MBNL2: variants seen among roughly 807,000 people sequenced by gnomAD.
The protein encoded by MBNL2 is muscleblind like splicing regulator 2.
Under a neutral mutation model 41.9 loss-of-function variants are expected in MBNL2, and 17 were observed. That is an observed-to-expected ratio of 0.41 (90% CI 0.28 to 0.61). The LOEUF (loss-of-function observed/expected upper bound fraction) is 0.61. MBNL2 is among the 20% of genes least tolerant of loss of function. MBNL2 has a pLI of 0.35. For synonymous variants in MBNL2, 195 were observed against 182.9 expected, an observed-to-expected ratio of 1.07 and a Z score of -0.53; for missense variants, 336 against 505.6, an observed-to-expected ratio of 0.66 and a Z score of 3.22.
chr13:97,303,073 A>C (rs2057787855), intron 2 of MBNL2, among the ~76,000 whole-genome samples: 1 of 152,028 alleles, frequency 6.6e-6, no homozygotes, highest in South Asian at 2.1e-4. Context: ...ACCTCTCTGC[A>C]CTCTTCATAT....
the MBNL2 span, among the ~76,000 whole-genome samples, chr13:97,198,933 G>A: frequency 3.3e-5 from 5 of 152,120 alleles, no homozygotes; most frequent in African/African-American, 1.2e-4. Context: ...TTCTCAGTGT[G>A]TGAGTCAGAT....
At chr13:97,237,161 C>A (rs2043429765) in intron 1 of MBNL2, among the ~76,000 whole-genome samples, 2 of 152,204 alleles carry the variant, frequency 1.3e-5, no homozygotes, top group Admixed American at 6.5e-5. Flanking sequence ...GTAGGAAGCA[C>A]GAGTTACCAA....
At chr13:97,354,246 A>G (rs2062784001) in intron 5 of MBNL2, among the ~76,000 whole-genome samples, 1 of 152,140 alleles carries the variant, frequency 6.6e-6, no homozygotes, top group Non-Finnish European at 1.5e-5. Flanking sequence ...AGGCTTGGTG[A>G]CCTGTGAGAT....
At chr13:97,157,728 C>A in the MBNL2 span, among the ~76,000 whole-genome samples, 51 of 148,506 alleles carry the variant, frequency 3.4e-4, no homozygotes, top group African/African-American at 1.2e-3. Flanking sequence ...ACCAGCCTTG[C>A]ATCCCAGGGA....
the MBNL2 span, among the ~76,000 whole-genome samples, chr13:97,150,292 A>G: frequency 6.6e-6 from 1 of 152,206 alleles, no homozygotes; most frequent in Non-Finnish European, 1.5e-5. Context: ...TGAAAAGCCG[A>G]ATTTAACAAG....
At chr13:97,213,601 T>C in the MBNL2 span, among the ~76,000 whole-genome samples, 1 of 152,066 alleles carries the variant, frequency 6.6e-6, no homozygotes, top group Non-Finnish European at 1.5e-5. Flanking sequence ...CCCAGAGATC[T>C]CACTTTGGGG....
At chr13:97,249,968 G>A (rs765413259) in intron 1 of MBNL2, among the ~76,000 whole-genome samples, 7 of 152,176 alleles carry the variant, frequency 4.6e-5, no homozygotes, top group Non-Finnish European at 1.0e-4. Flanking sequence ...TGATTGCTAC[G>A]AGGTTCCAGC....
intron 2 of MBNL2, among the ~76,000 whole-genome samples, chr13:97,309,646 C>T (rs2058412623): frequency 6.6e-6 from 1 of 152,162 alleles, no homozygotes; most frequent in Admixed American, 6.5e-5. Flanking sequence ...GCTTGTAGTA[C>T]TTGGTTATGG....
At chr13:97,192,418 G>A in the MBNL2 span, among the ~76,000 whole-genome samples, 2 of 152,218 alleles carry the variant, frequency 1.3e-5, no homozygotes, top group East Asian at 1.9e-4. Context: ...AGAGGCAGAA[G>A]TGAGAGTGAA....
the MBNL2 span, among the ~76,000 whole-genome samples, chr13:97,195,103 C>A: frequency 6.6e-6 from 1 of 152,096 alleles, no homozygotes; most frequent in Non-Finnish European, 1.5e-5. Flanking sequence ...ATCCAAGAAC[C>A]CTCTCTTGGG....
the MBNL2 span, among the ~76,000 whole-genome samples, chr13:97,202,586 T>A: frequency 6.6e-6 from 1 of 152,204 alleles, no homozygotes; most frequent in Non-Finnish European, 1.5e-5. Flanking sequence ...GTTTTCTGTT[T>A]CCTAGAATCC....
chr13:97,164,860 C>G, the MBNL2 span, among the ~76,000 whole-genome samples: 2 of 152,244 alleles, frequency 1.3e-5, no homozygotes, highest in South Asian at 4.1e-4. Flanking sequence ...TTTGGTGTGG[C>G]CTTCCTGTGG....
the MBNL2 span, among the ~76,000 whole-genome samples, chr13:97,144,738 A>T: frequency 2.6e-5 from 4 of 152,038 alleles, no homozygotes; most frequent in African/African-American, 9.7e-5. Context: ...CAGCCTAGTG[A>T]TACTTCTTAT....
chr13:97,349,446 A>AT (rs1353912175), intron 5 of MBNL2, among the ~76,000 whole-genome samples: 4 of 152,160 alleles, frequency 2.6e-5, no homozygotes, highest in African/African-American at 9.7e-5. Context: ...TGTAATCATT[A>AT]TTTTAGGCCA....
At chr13:97,272,816 C>T (rs1472911289) in intron 1 of MBNL2, among the ~76,000 whole-genome samples, 1 of 152,172 alleles carries the variant, frequency 6.6e-6, no homozygotes, top group African/African-American at 2.4e-5. Context: ...TAATCCTATA[C>T]AGTTTTTGTC....
Position 97,391,593 on chromosome 13 carries a change from A to G in MBNL2, c.*144A>G. 1.6e-6 allele frequency: 1 copy of G among 627,354 alleles called. No individual in the cohort carries two copies. Among genetic ancestry groups the G allele is most frequent in the Non-Finnish European group, 2.8e-6 (1 of 357,618 alleles). The allele number at this position is 627,354 out of a possible 1,614,324, so 38.9% of individuals were successfully genotyped here. A position where few individuals can be genotyped will look rare whatever the true frequency, so the allele number is the denominator to read the frequency against. On this transcript the variant is annotated 3_prime_UTR_variant, in exon 9 of 9. Transcript: ENST00000679496. The stretch of plus-strand genomic sequence containing the variant: ...GAGACCAGCTGTGATGTTTAAAGAC[A>G]TAAAGGATAAAGTTTACTTTTAAAG...
At chr13:97,290,097 C>G (rs1229793242) in intron 2 of MBNL2, among the ~76,000 whole-genome samples, 1 of 152,148 alleles carries the variant, frequency 6.6e-6, no homozygotes, top group African/African-American at 2.4e-5. Flanking sequence ...CATGGAGTTC[C>G]CAAACCAGTT....
chr13:97,152,204 A>C, the MBNL2 span, among the ~76,000 whole-genome samples: 1 of 152,202 alleles, frequency 6.6e-6, no homozygotes, highest in Non-Finnish European at 1.5e-5. Flanking sequence ...CGTACAAAAA[A>C]GGTAAAGCTT....
At chr13:97,205,514 T>C in the MBNL2 span, among the ~76,000 whole-genome samples, 68 of 152,342 alleles carry the variant, frequency 4.5e-4, no homozygotes, top group African/African-American at 1.6e-3. Flanking sequence ...TGTTCCTTCT[T>C]AGCAGGAAGT....
Sources: gnomAD v4.1 joint callset for allele counts (sites outside exome capture counted in the v4.1 genomes callset) on GRCh38, gnomAD v4.1.1 for gene constraint, MANE v1.5 for transcripts, NCBI Gene and HGNC (gene_info 2026-07-23, HGNC 2026-07-21) for gene names.